FANCD2: variants seen among roughly 807,000 people sequenced by gnomAD.
FANCD2 encodes Fanconi anemia group D2 protein.
Under a neutral mutation model 192.3 loss-of-function variants are expected in FANCD2, and 131 were observed. The observed-to-expected ratio is 0.68, with a 90% CI of 0.59 to 0.79. The LOEUF (loss-of-function observed/expected upper bound fraction) is 0.79, where lower values mean the gene tolerates loss of function less well. Ranked by LOEUF, FANCD2 falls within the 30% of genes least tolerant of loss-of-function variation. The probability of loss-of-function intolerance (pLI) is 0.00; values close to 1 mark genes in which losing one functional copy is unlikely to be tolerated. For synonymous variants in FANCD2, 524 were observed against 612.5 expected (o/e 0.86, Z 2.13); for missense variants, 1,508 against 1,701.6 (o/e 0.89, Z 2.00).
chr3:10,031,492 A>G (rs1157430146), intron 2 of FANCD2, among the ~76,000 whole-genome samples: 12 of 134,958 alleles, frequency 8.9e-5, no homozygotes, highest in Admixed American at 8.1e-4. Context: ...ACAGAGCAAG[A>G]CTCCATTTCA....
rs370823379 is a variant in FANCD2 at position 10,075,164 on chromosome 3, C to T, written c.2859+491C>T. Among the ~76,000 whole-genome samples the T allele has an allele frequency of 9.9e-5, 15 of 151,664 alleles. No individual in the cohort carries two copies. In the East Asian group the frequency reaches 1.9e-3, roughly 20 times the overall value. On this transcript the variant is annotated intron_variant, in intron 29 of 43. Coordinates refer to ENST00000675286, the MANE Select transcript of FANCD2 (RefSeq NM_001018115.3). ...AAAGAAGTGGAAATAGCTAGCAATA[C>T]GGTAGCTTTATTATTATTATTTTCT...
At chr3:10,049,229 T>C (rs2087123329) in intron 16 of FANCD2, 145 bp from the exon 17 acceptor site, 7 of 846,280 alleles carry the variant, frequency 8.3e-6, no homozygotes, top group Non-Finnish European at 1.4e-5. Flanking sequence ...AAGCCAACAT[T>C]AATGAAAACT....
intron 29 of FANCD2, among the ~76,000 whole-genome samples, chr3:10,075,439 C>A (rs758495271): frequency 7.2e-5 from 11 of 152,204 alleles, no homozygotes; most frequent in Non-Finnish European, 1.5e-4. Context: ...CCGCCTTGGC[C>A]TCCCAAAGTG....
At chr3:10,054,924 A>C (rs1479828622) in intron 18 of FANCD2, among the ~76,000 whole-genome samples, 5 of 151,862 alleles carry the variant, frequency 3.3e-5, no homozygotes, top group Admixed American at 3.3e-4. Context: ...AAGAGTATTC[A>C]GTGAAAAATA....
chr3:10,101,038 C>T (rs1695268530), intron 43 of FANCD2, 150 bp from the exon 44 acceptor site: 2 of 589,816 alleles, frequency 3.4e-6, no homozygotes, highest in Middle Eastern at 4.5e-4. Context: ...CACTGCATTC[C>T]AGCCTGGTGA....
chr3:10,044,442 C>T (rs1363233605), intron 14 of FANCD2, among the ~76,000 whole-genome samples: 23 of 151,742 alleles, frequency 1.5e-4, no homozygotes, highest in Admixed American at 3.9e-4. Flanking sequence ...CTGAGGCAGG[C>T]GGATCATCTG....
chr3:10,041,375 C>T (rs1559374144), intron 9 of FANCD2: 2 of 427,404 alleles, frequency 4.7e-6, no homozygotes, highest in Non-Finnish European at 8.7e-6. Context: ...TAGTGGTGTT[C>T]TCTGGGTAGT....
chr3:10,077,200 T>A (rs1430272832), intron 29 of FANCD2, among the ~76,000 whole-genome samples: 1 of 151,860 alleles, frequency 6.6e-6, no homozygotes, highest in Non-Finnish European at 1.5e-5. Flanking sequence ...AATATTGCAC[T>A]CCAGCCTGAG....
rs141402609 is a variant in FANCD2, at chr3:10,071,579, G to A, written c.2495-1292G>A. Among the ~76,000 whole-genome samples the A allele has an allele frequency of 3.2e-3, 491 of 152,252 alleles. 3 individuals are homozygous for A. The highest frequency in any genetic ancestry group is 5.9e-3 in the Non-Finnish European group (401 of 68,028). On this transcript the variant is annotated intron_variant, in intron 26 of 43. Coordinates refer to ENST00000675286, the MANE Select transcript of FANCD2 (RefSeq NM_001018115.3). Reference sequence around the variant, plus strand: ...GAGGACATTATGTTAAGTGAAATAGGCCAGGCACAACATATTTTCACATAT... The same window carrying A: ...GAGGACATTATGTTAAGTGAAATAGACCAGGCACAACATATTTTCACATAT...
At chr3:10,096,180 G>A in intron 41 of FANCD2, 146 bp from the exon 42 acceptor site, 2 of 822,074 alleles carry the variant, frequency 2.4e-6, no homozygotes, top group Non-Finnish European at 2.0e-6. Context: ...GGATTACTCT[G>A]CCAAACTATT....
intron 18 of FANCD2, among the ~76,000 whole-genome samples, chr3:10,060,090 C>T (rs1178730708): frequency 1.3e-5 from 2 of 150,912 alleles, no homozygotes; most frequent in African/African-American, 4.9e-5. Context: ...TCGTTTGAAC[C>T]TGGGAGGCAG....
intron 3 of FANCD2, among the ~76,000 whole-genome samples, 187 bp from the exon 4 acceptor site, chr3:10,034,282 G>A (rs1485953664): frequency 2.2e-5 from 3 of 134,826 alleles, no homozygotes; most frequent in South Asian, 2.3e-4. Flanking sequence ...CTGAGATCAC[G>A]CCACTGCACT....
intron 34 of FANCD2, among the ~76,000 whole-genome samples, chr3:10,088,046 CTTTA>C (rs1694331124): frequency 7.9e-5 from 12 of 152,168 alleles, no homozygotes; most frequent in Admixed American, 7.9e-4. Context: ...CAAAACAAAC[CTTTA>C]TTTATCCCTA....
At chr3:10,066,671 C>T (rs931453584) in intron 25 of FANCD2, among the ~76,000 whole-genome samples, 2 of 152,142 alleles carry the variant, frequency 1.3e-5, no homozygotes, top group Admixed American at 1.3e-4. Flanking sequence ...CTGGCTATTC[C>T]ACCTTGTAAC....
At chr3:10,065,313 G>T in intron 23 of FANCD2, 81 bp from the exon 24 acceptor site, 1 of 943,494 alleles carries the variant, frequency 1.1e-6, no homozygotes. Context: ...TGTTCCCTAT[G>T]TATGTGGAGT....
At chr3:10,074,379 T>A (rs559255310) in intron 28 of FANCD2, 151 bp from the exon 29 acceptor site, 33 of 690,056 alleles carry the variant, frequency 4.8e-5, no homozygotes, top group South Asian at 7.8e-5. Flanking sequence ...TTGGGAATAT[T>A]TAGGGACTTG....
At chr3:10,031,039 G>A (rs1418008301) in intron 2 of FANCD2, among the ~76,000 whole-genome samples, 2 of 152,184 alleles carry the variant, frequency 1.3e-5, no homozygotes, top group Non-Finnish European at 2.9e-5. Context: ...GTTATACTTT[G>A]GAAATACTGT....
rs915718277 is a variant in FANCD2 at position 10,084,396 on chromosome 3, C to T, written c.3225-1416C>T. Among the ~76,000 whole-genome samples, 17 of 151,482 alleles carry T rather than the reference C, an allele frequency of 1.1e-4. No individual in the cohort carries two copies. In the East Asian group the frequency reaches 3.1e-3, roughly 28 times the overall value. ...AACCTCTGACTCCCAGGCTATAAATCCTCCCACCTCAGCCTCCCAAGCAGT... is the reference window on the plus strand; with the variant it reads ...AACCTCTGACTCCCAGGCTATAAATTCTCCCACCTCAGCCTCCCAAGCAGT... On this transcript the variant is annotated intron_variant, in intron 32 of 43. Coordinates refer to ENST00000675286, the MANE Select transcript of FANCD2 (RefSeq NM_001018115.3).
At chr3:10,046,001 A>T (rs1327686470) in intron 14 of FANCD2, among the ~76,000 whole-genome samples, 16 of 150,792 alleles carry the variant, frequency 1.1e-4, no homozygotes, top group African/African-American at 3.7e-4. Context: ...AAATGTCAAG[A>T]TGTTCAGAGT....
Sources: allele counts gnomAD v4.1 joint callset (sites outside exome capture counted in the v4.1 genomes callset), GRCh38; gene constraint gnomAD v4.1.1; transcripts MANE v1.5; gene names NCBI Gene and HGNC (gene_info 2026-07-23, HGNC 2026-07-21).